The following RHCE variants were observed in gnomAD, a reference collection of about 807,000 sequenced individuals.
RHCE encodes the protein Rh blood group CcEe antigens, also known as blood group Rh(CE) polypeptide.
A neutral mutation model predicts 43.8 loss-of-function variants in RHCE; 22 were observed. That is an observed-to-expected ratio of 0.50 (90% confidence interval 0.36 to 0.72). The LOEUF (loss-of-function observed/expected upper bound fraction) is 0.72, where lower values mean the gene tolerates loss of function less well. Ranked by LOEUF, RHCE falls within the 30% of genes least tolerant of loss-of-function variation. The probability of loss-of-function intolerance (pLI) is 0.00; values close to 1 mark genes in which losing one functional copy is unlikely to be tolerated. For synonymous variants in RHCE, 156 were observed against 210.7 expected, an observed-to-expected ratio of 0.74 and a Z score of 2.25; for missense variants, 385 against 525.4, an observed-to-expected ratio of 0.73 and a Z score of 2.61.
chr1:25,411,527 C>T (rs1163245701), intron 1 of RHCE: 4 of 1,480,634 alleles, frequency 2.7e-6, no homozygotes, highest in East Asian at 2.5e-5. Context: ...ATCAACCTGA[C>T]ACCACCAGGA....
In RHCE at chr1:25,389,249, C is replaced by G. The variant is rs1193716038; in HGVS notation, c.802-136G>C. 4 of 1,479,960 alleles carry G rather than the reference C, an allele frequency of 2.7e-6. No homozygotes were observed. The East Asian group carries it at 9.3e-5, about 34-fold the overall frequency. The allele number at this position is 1,479,960 out of a possible 1,614,324, so 91.7% of individuals were successfully genotyped here. A position where few individuals can be genotyped will look rare whatever the true frequency, so the allele number is the denominator to read the frequency against. ...TTTGCTGATCCTGAAACCACCTCTC[C>G]CCTGTGTTGGGGCTACGTGTCCTTC... On this transcript the variant is annotated intron_variant, in intron 5 of 9. Coordinates refer to ENST00000294413, the MANE Select transcript of RHCE (RefSeq NM_020485.8).
intron 8 of RHCE, among the ~76,000 whole-genome samples, chr1:25,372,319 A>G (rs1645634817): frequency 6.6e-6 from 1 of 151,536 alleles, no homozygotes; most frequent in Non-Finnish European, 1.5e-5. Context: ...CAGGAGTTCG[A>G]GACCAGCATG....
intron 2 of RHCE, among the ~76,000 whole-genome samples, chr1:25,405,496 C>T (rs932265413): frequency 5.9e-5 from 9 of 151,976 alleles, no homozygotes; most frequent in African/African-American, 1.7e-4. Flanking sequence ...CTACTAAAAA[C>T]ACAAAAATTA....
At position 25,408,876 on chromosome 1, in the gene RHCE, G is replaced by C; in HGVS notation, c.149-7C>G. 1.6e-6 allele frequency: 2 copies of C among 1,282,718 alleles called. 1 individual carries two copies. The highest frequency in any genetic ancestry group is 2.1e-6 in the Non-Finnish European group (2 of 962,332). The allele number at this position is 1,282,718 out of a possible 1,614,324, so 79.5% of individuals were successfully genotyped here. ...ACGGTCAGATCTTGGCCGACTGCTC[G>C]GTGGGGAGATGGTGAGAAGGAGGAG... On this transcript the variant is annotated splice_region_variant and splice_polypyrimidine_tract_variant and intron_variant, in intron 1 of 9. Transcript: ENST00000294413.
intron 3 of RHCE, among the ~76,000 whole-genome samples, chr1:25,392,902 A>G (rs1646424499): frequency 6.6e-6 from 1 of 152,112 alleles, no homozygotes; most frequent in African/African-American, 2.4e-5. Context: ...AGGTTCACTT[A>G]GGTGTGGCAA....
chr1:25,392,288 C>A lies in RHCE; in HGVS notation c.487-147G>T, dbSNP rs1033055191. ...GGTGTTCAGAGCTTACCCAGCCCAA[C>A]CCAGCAGGCTTTGCCCAGGCTGGAG... On this transcript the variant is annotated intron_variant, in intron 3 of 9. Coordinates refer to ENST00000294413, the MANE Select transcript of RHCE (RefSeq NM_020485.8). 17 of 1,370,168 alleles carry A rather than the reference C, an allele frequency of 1.2e-5. No individual in the cohort carries two copies. In the African/African-American group the frequency reaches 2.1e-4, roughly 17 times the overall value. 84.9% of individuals were successfully genotyped at this position (1,370,168 alleles called of 1,614,324 possible).
At chr1:25,414,088 G>T (rs1349976006) in intron 1 of RHCE, among the ~76,000 whole-genome samples, 1 of 152,132 alleles carries the variant, frequency 6.6e-6, no homozygotes, top group Non-Finnish European at 1.5e-5. Flanking sequence ...CATTGGGTAC[G>T]TAGTGAGTGT....
Position 25,385,732 on chromosome 1 carries a change from G to T in RHCE, c.1052C>A (p.Thr351Asn). Residue 351 changes from threonine (T) to asparagine (N), a missense_variant, in exon 7 of 10, where the codon ACT becomes AAT. Transcript: ENST00000294413. ...CCACATGCCATTGCCGTTCCAGACA[G>T]TATGAAGCACCAGCAGCACAATGTA... ...ITYIVLLVLH[T>N]VWNGNGMIGF... 5.0e-6 allele frequency: 8 copies of T among 1,614,010 alleles called. No individual in the cohort carries two copies. Among genetic ancestry groups the T allele is most frequent in the Non-Finnish European group, 6.8e-6 (8 of 1,180,018 alleles).
intron 8 of RHCE, 71 bp from the exon 9 acceptor site, chr1:25,370,611 T>C: frequency 1.5e-6 from 2 of 1,373,382 alleles, no homozygotes; most frequent in Admixed American, 3.4e-5. Flanking sequence ...TTAATCAAAA[T>C]ATTGTGTGTG....
At chr1:25,383,346 C>G (rs1646056404) in intron 7 of RHCE, among the ~76,000 whole-genome samples, 1 of 152,154 alleles carries the variant, frequency 6.6e-6, no homozygotes, top group Admixed American at 6.5e-5. Context: ...CCCAATGCCA[C>G]CAAGTAGCTA....
At chr1:25,426,510 A>T (rs1299193722) in intron 2 of RHCE, among the ~76,000 whole-genome samples, 1 of 152,254 alleles carries the variant, frequency 6.6e-6, no homozygotes. Flanking sequence ...GACCTTAGGC[A>T]AGTGCCTTAA....
Position 25,392,010 on chromosome 1 carries a change from A to G in RHCE, c.618T>C (p.Ser206=). The change falls in exon 4 of 10, where the codon AGT becomes AGC. Residue 206 remains serine, a synonymous_variant. Transcript: ENST00000294413. ...EDNDQRATIP[S]LSAMLGALFL... ...TGTCCTTACCCAGCATGGCAGACAA[A>G]CTGGGTATCGTTGCTCTCTGATCAT... is the stretch of plus-strand genomic sequence containing the variant. 1 of 1,614,110 alleles carries G rather than the reference A, an allele frequency of 6.2e-7. No homozygotes were observed. The highest frequency in any genetic ancestry group is 8.5e-7 in the Non-Finnish European group (1 of 1,180,022).
chr1:25,390,893 G>T lies in RHCE; in HGVS notation c.657C>A (p.Phe219Leu), dbSNP rs1201174554. 6.2e-7 allele frequency: 1 copy of T among 1,614,114 alleles called. No homozygotes were observed. Among genetic ancestry groups the T allele is most frequent in the Non-Finnish European group, 8.5e-7 (1 of 1,180,044 alleles). The change falls in exon 5 of 10, where the codon TTC becomes TTA. Residue 219 changes from phenylalanine to leucine, a missense_variant. By Grantham distance (22) the Phe-to-Leu change is conservative. Transcript: ENST00000294413. The stretch of plus-strand genomic sequence containing the variant: ...GCAGAGCAGAGTTGACACTTGGCCA[G>T]AACATCCACAAGAAGAGGGCGCCTG... ...AMLGALFLWM[F>L]WPSVNSALLR... is the part of the protein sequence containing the mutation.
chr1:25,401,402 T>G (rs1646736578), intron 3 of RHCE, among the ~76,000 whole-genome samples: 1 of 152,104 alleles, frequency 6.6e-6, no homozygotes, highest in South Asian at 2.1e-4. Flanking sequence ...GCTGGAACTG[T>G]GGGTTCTCGC....
chr1:25,381,304 T>G (rs1645990858), intron 7 of RHCE, among the ~76,000 whole-genome samples: 1 of 152,194 alleles, frequency 6.6e-6, no homozygotes, highest in African/African-American at 2.4e-5. Flanking sequence ...CTCATCAGAA[T>G]GGCCTTCACC....
intron 7 of RHCE, among the ~76,000 whole-genome samples, chr1:25,379,475 ATATATATATATATATATATATTTTTTTT>A (rs1462087599): frequency 3.5e-3 from 44 of 12,690 alleles, no homozygotes; most frequent in African/African-American, 7.0e-3. Flanking sequence ...ATATATATAT[ATATATATATATATATATATATTTTTTTT>A]TTTTTTTTTT....
At chr1:25,424,536 C>T (rs903052104), upstream of RHCE, among the ~76,000 whole-genome samples, 6 of 151,328 alleles carry the variant, frequency 4.0e-5, no homozygotes, top group South Asian at 2.1e-4. Context: ...TATAGGCACG[C>T]GATACCACAC....
chr1:25,369,576 C>T (rs1645541876), intron 9 of RHCE, among the ~76,000 whole-genome samples: 2 of 151,418 alleles, frequency 1.3e-5, no homozygotes, highest in African/African-American at 2.5e-5. Context: ...TACAATGTAA[C>T]ACGGGACCCT....
At chr1:25,400,782 C>T (rs1365404850) in intron 3 of RHCE, among the ~76,000 whole-genome samples, 5 of 151,900 alleles carry the variant, frequency 3.3e-5, no homozygotes, top group Non-Finnish European at 5.9e-5. Context: ...ATCTATCCCA[C>T]CCCAATGTTC....
Sources: allele counts gnomAD v4.1 joint callset (sites outside exome capture counted in the v4.1 genomes callset), GRCh38; gene constraint gnomAD v4.1.1; transcripts MANE v1.5; gene names NCBI Gene and HGNC (gene_info 2026-07-23, HGNC 2026-07-21).